Variants in AUTS2 observed in about 807,000 individuals in gnomAD.
The protein encoded by AUTS2 is autism susceptibility gene 2 protein.
AUTS2 carries 17 observed loss-of-function variants against 112.4 expected under a neutral mutation model. That is an observed-to-expected ratio of 0.15 (90% CI 0.10 to 0.23). The LOEUF is 0.23. Among genes scored for constraint, AUTS2 ranks in the 10% least tolerant of loss-of-function variants. The probability of loss-of-function intolerance (pLI) is 1.00; values close to 1 mark genes in which losing one functional copy is unlikely to be tolerated. For missense variants in AUTS2, 1,510 were observed against 1,701.6 expected, an observed-to-expected ratio of 0.89 and a Z score of 1.98; for synonymous variants, 751 against 702.7, an observed-to-expected ratio of 1.07 and a Z score of -1.09.
intron 4 of AUTS2, among the ~76,000 whole-genome samples, chr7:70,268,496 C>T (rs1787541669): frequency 6.6e-6 from 1 of 152,134 alleles, no homozygotes; most frequent in Non-Finnish European, 1.5e-5. Context: ...TGCTGTTTCA[C>T]TCATAAATAT....
intron 5 of AUTS2, among the ~76,000 whole-genome samples, chr7:70,522,273 A>C (rs1468241729): frequency 6.6e-6 from 1 of 152,244 alleles, no homozygotes; most frequent in African/African-American, 2.4e-5. Context: ...AACTAAGAAA[A>C]AAACACAGAT....
intron 1 of AUTS2, among the ~76,000 whole-genome samples, chr7:69,678,885 C>G (rs1796682268): frequency 6.6e-6 from 1 of 152,220 alleles, no homozygotes; most frequent in African/African-American, 2.4e-5. Flanking sequence ...GATGCTGACT[C>G]CTTCTGTTTA....
chr7:70,136,691 C>G (rs1205415586), intron 4 of AUTS2, among the ~76,000 whole-genome samples: 2 of 152,196 alleles, frequency 1.3e-5, no homozygotes, highest in African/African-American at 2.4e-5. Flanking sequence ...TATCCTTACT[C>G]CTCTTCAGCA....
chr7:70,681,203 G>A (rs778559895), intron 5 of AUTS2, among the ~76,000 whole-genome samples: 18 of 152,186 alleles, frequency 1.2e-4, no homozygotes, highest in Non-Finnish European at 2.2e-4. Context: ...GTTGACATCC[G>A]TGCCCCAGTT....
rs570079198 is a variant in AUTS2, at chr7:70,033,059, G to A, written c.523-85073G>A. On this transcript the variant is annotated intron_variant, in intron 2 of 18. Transcript: ENST00000342771. ...AACATGAGAGGGATAGGGAGTAACTGCTGATAGGTACAGAGTTTCTTTCTG... is the reference window on the plus strand; with the variant it reads ...AACATGAGAGGGATAGGGAGTAACTACTGATAGGTACAGAGTTTCTTTCTG... Among the ~76,000 whole-genome samples the A allele has an allele frequency of 1.6e-4, 24 of 152,234 alleles. No individual in the cohort carries two copies. In the South Asian group the frequency reaches 5.0e-3, roughly 32 times the overall value.
chr7:69,892,170 ATTTTT>A (rs35883320), intron 1 of AUTS2, among the ~76,000 whole-genome samples: 1 of 125,270 alleles, frequency 8.0e-6, no homozygotes. Flanking sequence ...AGTTTTGAGA[ATTTTT>A]TTTTTTTTTT....
chr7:69,639,791 C>T (rs958165972), intron 1 of AUTS2, among the ~76,000 whole-genome samples: 2 of 152,188 alleles, frequency 1.3e-5, no homozygotes, highest in African/African-American at 2.4e-5. Flanking sequence ...GATGATAGGA[C>T]TCTTTTAAGA....
intron 1 of AUTS2, among the ~76,000 whole-genome samples, chr7:69,802,667 A>G (rs895479507): frequency 6.6e-6 from 1 of 152,076 alleles, no homozygotes; most frequent in East Asian, 1.9e-4. Context: ...ACCATCATTG[A>G]TTGCTGTTGG....
intron 1 of AUTS2, among the ~76,000 whole-genome samples, chr7:69,796,721 A>AT (rs956715641): frequency 3.6e-4 from 54 of 151,586 alleles, no homozygotes; most frequent in Admixed American, 9.8e-4. Context: ...CAGTTCTGTT[A>AT]TTTTTTTGTT....
chr7:70,230,449 T>C (rs1811988225), intron 4 of AUTS2, among the ~76,000 whole-genome samples: 1 of 152,200 alleles, frequency 6.6e-6, no homozygotes, highest in South Asian at 2.1e-4. Context: ...AGTTAAAGAT[T>C]GGCTAGAGAT....
At chr7:70,220,798 T>C (rs1413592062) in intron 4 of AUTS2, among the ~76,000 whole-genome samples, 2 of 152,222 alleles carry the variant, frequency 1.3e-5, no homozygotes, top group East Asian at 1.9e-4. Flanking sequence ...TTTCCCCCAA[T>C]TCTTTCTTTC....
intron 2 of AUTS2, among the ~76,000 whole-genome samples, chr7:69,952,970 A>G (rs1475000102): frequency 1.3e-5 from 2 of 152,314 alleles, no homozygotes; most frequent in African/African-American, 4.8e-5. Flanking sequence ...ATTAGATGAC[A>G]GGAAATGTGT....
At chr7:69,785,824 G>GT (rs1430060326) in intron 1 of AUTS2, among the ~76,000 whole-genome samples, 1 of 151,990 alleles carries the variant, frequency 6.6e-6, no homozygotes, top group African/African-American at 2.4e-5. Flanking sequence ...ACAGTGATTG[G>GT]TTTTTTTGTT....
intron 4 of AUTS2, among the ~76,000 whole-genome samples, chr7:70,362,899 G>A (rs1010716906): frequency 2.6e-5 from 4 of 152,168 alleles, no homozygotes; most frequent in African/African-American, 9.7e-5. Context: ...CACAGTAAGC[G>A]GGAGAGAGGC....
intron 1 of AUTS2, among the ~76,000 whole-genome samples, chr7:69,828,392 G>A (rs1337610345): frequency 5.3e-5 from 8 of 152,290 alleles, no homozygotes; most frequent in African/African-American, 1.2e-4. Flanking sequence ...GTGAGCCAGC[G>A]TAAGAGGACA....
At chr7:70,761,465 G>A (rs1322277553) in intron 6 of AUTS2, among the ~76,000 whole-genome samples, 1 of 152,144 alleles carries the variant, frequency 6.6e-6, no homozygotes, top group Non-Finnish European at 1.5e-5. Flanking sequence ...CATTTCAAAG[G>A]ATGTTGTCAT....
intron 4 of AUTS2, among the ~76,000 whole-genome samples, chr7:70,405,107 A>T (rs1794477220): frequency 6.6e-6 from 1 of 152,196 alleles, no homozygotes; most frequent in South Asian, 2.1e-4. Context: ...GCACAAACAG[A>T]TTATGATTTT....
intron 2 of AUTS2, among the ~76,000 whole-genome samples, chr7:70,043,375 C>T (rs1801330301): frequency 6.6e-6 from 1 of 151,958 alleles, no homozygotes; most frequent in Admixed American, 6.6e-5. Context: ...ATAATTATGA[C>T]ACAGATTTCA....
chr7:69,863,328 A>G (rs914731472), intron 1 of AUTS2, among the ~76,000 whole-genome samples: 1 of 152,234 alleles, frequency 6.6e-6, no homozygotes, highest in African/African-American at 2.4e-5. Context: ...AGTAATGTAC[A>G]GATGATTTAA....
Sources: gnomAD v4.1 joint callset for allele counts (sites outside exome capture counted in the v4.1 genomes callset) on GRCh38, gnomAD v4.1.1 for gene constraint, MANE v1.5 for transcripts, NCBI Gene and HGNC (gene_info 2026-07-23, HGNC 2026-07-21) for gene names.